Variants in SETD3 observed in about 807,000 individuals in gnomAD.
The protein encoded by SETD3 is SET domain containing 3, actin N3(tau)-histidine methyltransferase.
SETD3 carries 19 observed loss-of-function variants against 63.0 expected under a neutral mutation model. The observed-to-expected ratio is 0.30, with a 90% confidence interval of 0.21 to 0.44. The LOEUF (loss-of-function observed/expected upper bound fraction) is 0.44. Ranked by LOEUF, SETD3 falls within the 20% of genes least tolerant of loss-of-function variation. The pLI, the probability that SETD3 is intolerant of heterozygous loss-of-function variation, is 1.00. For missense variants in SETD3, 587 were observed against 728.5 expected, an observed-to-expected ratio of 0.81 and a Z score of 2.24; for synonymous variants, 286 against 264.1, an observed-to-expected ratio of 1.08 and a Z score of -0.80.
chr14:99,399,615 A>C lies in SETD3; in HGVS notation c.1338+484T>G, dbSNP rs28365774. Among the ~76,000 whole-genome samples, 49 of 152,362 alleles carry C rather than the reference A, an allele frequency of 3.2e-4. No homozygotes were observed. The East Asian group carries it at 8.1e-3, about 25-fold the overall frequency. On this transcript the variant is annotated intron_variant, in intron 12 of 12. Coordinates refer to ENST00000331768, the MANE Select transcript of SETD3 (RefSeq NM_032233.3). ...TTATAAAAAAGTATTGAATAATCTTAAAAATGTATCTTCTAATAAACAATG... is the reference window on the plus strand; with the variant it reads ...TTATAAAAAAGTATTGAATAATCTTCAAAATGTATCTTCTAATAAACAATG...
chr14:99,439,585 A>G (rs1479308418), intron 6 of SETD3, among the ~76,000 whole-genome samples: 2 of 148,260 alleles, frequency 1.3e-5, no homozygotes, highest in Non-Finnish European at 3.0e-5. Flanking sequence ...ATTTATATAT[A>G]AATATAGAAA....
chr14:99,406,466 G>A (rs1891687687), intron 9 of SETD3, 50 bp downstream of exon 9: 12 of 1,521,258 alleles, frequency 7.9e-6, no homozygotes, highest in East Asian at 4.5e-5. Context: ...CGGTGTTAAC[G>A]TTAGTGCCCA....
intron 6 of SETD3, among the ~76,000 whole-genome samples, chr14:99,423,675 GA>G (rs1163521789): frequency 7.0e-6 from 1 of 142,258 alleles, no homozygotes; most frequent in Non-Finnish European, 1.5e-5. Flanking sequence ...AGATATGTTA[GA>G]AAAAAAGTCA....
chr14:99,410,823 C>T (rs1042852661), intron 8 of SETD3, among the ~76,000 whole-genome samples: 3 of 152,136 alleles, frequency 2.0e-5, no homozygotes, highest in Non-Finnish European at 4.4e-5. Context: ...TTTCTACTAC[C>T]ATAATCAGGT....
intron 8 of SETD3, among the ~76,000 whole-genome samples, chr14:99,410,726 C>T (rs1364139394): frequency 6.6e-6 from 1 of 152,246 alleles, no homozygotes; most frequent in African/African-American, 2.4e-5. Context: ...GAATCTCTAG[C>T]CTAGGTGTTC....
upstream of SETD3, among the ~76,000 whole-genome samples, chr14:99,484,921 G>A (rs909817238): frequency 6.6e-6 from 1 of 152,228 alleles, no homozygotes; most frequent in Admixed American, 6.5e-5. Context: ...CTGCTAAAAT[G>A]CCTTGACAGG....
upstream of SETD3, among the ~76,000 whole-genome samples, chr14:99,481,788 G>C (rs1297295916): frequency 6.6e-6 from 1 of 152,192 alleles, no homozygotes. Flanking sequence ...AAGGGGCAGC[G>C]GTGTTAACCG....
At chr14:99,435,931 G>A (rs984444982) in intron 6 of SETD3, among the ~76,000 whole-genome samples, 2 of 152,102 alleles carry the variant, frequency 1.3e-5, no homozygotes, top group Non-Finnish European at 2.9e-5. Flanking sequence ...AGACGGGGTA[G>A]TTTATAAAGC....
At chr14:99,471,979 A>G (rs751644693) in intron 1 of SETD3, among the ~76,000 whole-genome samples, 9 of 152,184 alleles carry the variant, frequency 5.9e-5, no homozygotes, top group Non-Finnish European at 1.0e-4. Context: ...GACTTGGCCA[A>G]GAGACCACAG....
intron 11 of SETD3, among the ~76,000 whole-genome samples, chr14:99,403,808 G>T (rs1355466947): frequency 6.6e-6 from 1 of 152,108 alleles, no homozygotes; most frequent in Admixed American, 6.5e-5. Context: ...AACAAATAAA[G>T]TCCTACGGTC....
chr14:99,475,115 C>A (rs957753404), intron 1 of SETD3, among the ~76,000 whole-genome samples: 5 of 152,134 alleles, frequency 3.3e-5, no homozygotes, highest in African/African-American at 4.8e-5. Context: ...ATAAAAAAGA[C>A]AATGTTATGT....
intron 6 of SETD3, among the ~76,000 whole-genome samples, chr14:99,419,786 CAAAAA>C (rs1387120602): frequency 7.7e-6 from 1 of 130,510 alleles, no homozygotes; most frequent in Non-Finnish European, 1.6e-5. Context: ...AAAAAAAAAA[CAAAAA>C]AAAAAACCTT....
chr14:99,414,435 T>A (rs1389622582), intron 6 of SETD3, among the ~76,000 whole-genome samples: 1 of 152,234 alleles, frequency 6.6e-6, no homozygotes, highest in Non-Finnish European at 1.5e-5. Context: ...ACTTAAGTCA[T>A]TTCATGGGAA....
At chr14:99,478,996 T>C (rs115707429) in intron 1 of SETD3, among the ~76,000 whole-genome samples, 2,345 of 152,328 alleles carry the variant, frequency 0.015, 61 homozygotes, top group African/African-American at 0.054. Context: ...ACTTTCTTAC[T>C]GACAGTCACT....
chr14:99,448,394 C>T (rs1490404367), intron 6 of SETD3, among the ~76,000 whole-genome samples: 1 of 152,164 alleles, frequency 6.6e-6, no homozygotes, highest in African/African-American at 2.4e-5. Context: ...CTTCCATCTG[C>T]AGCCACGGGT....
At chr14:99,475,377 T>C (rs1435223853) in intron 1 of SETD3, among the ~76,000 whole-genome samples, 1 of 152,256 alleles carries the variant, frequency 6.6e-6, no homozygotes, top group Non-Finnish European at 1.5e-5. Context: ...GAGCGTGTTA[T>C]TCCTGATTAA....
At chr14:99,428,883 C>A (rs760692420) in intron 6 of SETD3, among the ~76,000 whole-genome samples, 1 of 152,142 alleles carries the variant, frequency 6.6e-6, no homozygotes, top group Non-Finnish European at 1.5e-5. Context: ...TGAGACCACA[C>A]CCTAACTGCA....
chr14:99,445,253 G>A (rs1282955109), intron 6 of SETD3, among the ~76,000 whole-genome samples: 3 of 152,118 alleles, frequency 2.0e-5, no homozygotes, highest in Admixed American at 6.5e-5. Context: ...AATATACTAC[G>A]CCCTCACTCT....
chr14:99,431,315 G>C (rs1452401582), intron 6 of SETD3, among the ~76,000 whole-genome samples: 2 of 152,194 alleles, frequency 1.3e-5, no homozygotes, highest in African/African-American at 4.8e-5. Flanking sequence ...ACCACATGGA[G>C]AAACTGTGGC....
Sources: gnomAD v4.1 joint callset for allele counts (sites outside exome capture counted in the v4.1 genomes callset) on GRCh38, gnomAD v4.1.1 for gene constraint, MANE v1.5 for transcripts, NCBI Gene and HGNC (gene_info 2026-07-23, HGNC 2026-07-21) for gene names.